The following SMYD3 variants were observed in gnomAD, a reference collection of about 807,000 sequenced individuals.
SMYD3 encodes SET and MYND domain containing 3, also known as histone-lysine N-methyltransferase SMYD3.
SMYD3 carries 36 observed loss-of-function variants against 57.7 expected under a neutral mutation model. The observed-to-expected ratio is 0.62, with a 90% CI of 0.48 to 0.82. SMYD3 has a LOEUF of 0.82. SMYD3 is among the 40% of genes least tolerant of loss of function. The pLI, the probability that SMYD3 is intolerant of heterozygous loss-of-function variation, is 0.00. For synonymous variants in SMYD3, 211 were observed against 195.0 expected (o/e 1.08, Z -0.68); for missense variants, 515 against 538.8 (o/e 0.96, Z 0.44).
chr1:246,131,590 G>A (rs958115235), intron 5 of SMYD3, among the ~76,000 whole-genome samples: 2 of 152,114 alleles, frequency 1.3e-5, no homozygotes, highest in Non-Finnish European at 2.9e-5. Context: ...CACTGTGCGG[G>A]GCACATTGAG....
intron 5 of SMYD3, among the ~76,000 whole-genome samples, chr1:246,233,720 A>G (rs1365434595): frequency 7.3e-6 from 1 of 136,120 alleles, no homozygotes; most frequent in Non-Finnish European, 1.6e-5. Context: ...TACCACACAG[A>G]GGAGAAGCAC....
At chr1:245,814,278 A>G (rs1042458287) in intron 10 of SMYD3, 3 of 692,122 alleles carry the variant, frequency 4.3e-6, no homozygotes, top group Non-Finnish European at 5.3e-6. Context: ...ATTTCAGTGT[A>G]TAGCTACCTC....
At chr1:246,110,838 A>G (rs2061223454) in intron 5 of SMYD3, among the ~76,000 whole-genome samples, 1 of 152,216 alleles carries the variant, frequency 6.6e-6, no homozygotes, top group Non-Finnish European at 1.5e-5. Context: ...CAGTGCAGCC[A>G]TGTTCCTTAC....
At chr1:246,138,911 A>C (rs372161737) in intron 5 of SMYD3, among the ~76,000 whole-genome samples, 1 of 152,170 alleles carries the variant, frequency 6.6e-6, no homozygotes, top group South Asian at 2.1e-4. Context: ...GCTGCAGGAC[A>C]GTTAAGACAA....
chr1:246,255,761 T>C (rs1163320704), intron 5 of SMYD3, among the ~76,000 whole-genome samples: 2 of 127,344 alleles, frequency 1.6e-5, no homozygotes, highest in Admixed American at 1.8e-4. Flanking sequence ...GCGAATCCAT[T>C]TGTCTGGGGC....
chr1:246,032,132 A>C (rs1338068300), intron 5 of SMYD3, among the ~76,000 whole-genome samples: 2 of 152,236 alleles, frequency 1.3e-5, no homozygotes, highest in South Asian at 2.1e-4. Context: ...TACAAGGAAC[A>C]TTACTCCACT....
intron 5 of SMYD3, among the ~76,000 whole-genome samples, chr1:246,172,486 T>C (rs10802342): frequency 0.82 from 94,688 of 115,916 alleles, 38,989 homozygotes; most frequent in Admixed American, 0.88. Flanking sequence ...CCACACTGTA[T>C]GCTTAGGCTA....
chr1:245,914,266 C>T (rs1480942474), intron 8 of SMYD3, among the ~76,000 whole-genome samples: 1 of 152,186 alleles, frequency 6.6e-6, no homozygotes, highest in African/African-American at 2.4e-5. Context: ...AATTACAGTA[C>T]TGGGTATTTA....
intron 5 of SMYD3, among the ~76,000 whole-genome samples, chr1:246,285,043 C>A: frequency 6.6e-6 from 1 of 150,904 alleles, no homozygotes; most frequent in Admixed American, 6.6e-5. Context: ...CGGTGATTTG[C>A]GAGATTTTGA....
At chr1:245,962,309 TC>T (rs1185389223) in intron 5 of SMYD3, among the ~76,000 whole-genome samples, 1 of 152,194 alleles carries the variant, frequency 6.6e-6, no homozygotes, top group Non-Finnish European at 1.5e-5. Flanking sequence ...AGGTTCCTCA[TC>T]TTATTTTACA....
intron 10 of SMYD3, among the ~76,000 whole-genome samples, chr1:245,856,227 C>A (rs568308771): frequency 1.3e-5 from 2 of 152,188 alleles, no homozygotes; most frequent in African/African-American, 4.8e-5. Flanking sequence ...TCTAACCTGC[C>A]CATTTCTCTC....
intron 2 of SMYD3, among the ~76,000 whole-genome samples, chr1:246,339,282 G>T (rs1293949732): frequency 6.6e-6 from 1 of 152,094 alleles, no homozygotes; most frequent in African/African-American, 2.4e-5. Context: ...GTGCAAATAT[G>T]TGACTAATGA....
At chr1:246,365,551 C>T (rs928376798) in intron 1 of SMYD3, among the ~76,000 whole-genome samples, 1 of 148,602 alleles carries the variant, frequency 6.7e-6, no homozygotes, top group Non-Finnish European at 1.5e-5. Flanking sequence ...AAGATTCAGT[C>T]GGGTTAAAAA....
chr1:245,774,651 CCT>C (rs2046469900), intron 10 of SMYD3, among the ~76,000 whole-genome samples: 1 of 126,824 alleles, frequency 7.9e-6, no homozygotes, highest in Non-Finnish European at 1.7e-5. Flanking sequence ...TCTCCCTCTC[CCT>C]CTCTTTCCAC....
intron 5 of SMYD3, among the ~76,000 whole-genome samples, chr1:246,054,337 G>A (rs919133442): frequency 2.0e-5 from 3 of 152,138 alleles, no homozygotes; most frequent in Admixed American, 6.5e-5. Flanking sequence ...GAAAAGTCAC[G>A]ACTACTTCAG....
At chr1:245,768,106 A>T (rs1161747064) in intron 10 of SMYD3, among the ~76,000 whole-genome samples, 3 of 152,228 alleles carry the variant, frequency 2.0e-5, no homozygotes, top group African/African-American at 7.2e-5. Context: ...CAAGCAAACT[A>T]CATAACAACA....
intron 1 of SMYD3, among the ~76,000 whole-genome samples, chr1:246,362,449 C>T (rs1348187979): frequency 5.2e-4 from 9 of 17,406 alleles, no homozygotes; most frequent in Admixed American, 9.4e-4. Flanking sequence ...CGGTCTCCCT[C>T]TCCCTCTCCC....
At position 245,883,947 on chromosome 1, in the gene SMYD3, A is replaced by AT. The variant is rs1186568780; in HGVS notation, c.814-20062dup. On this transcript the variant is annotated intron_variant, in intron 8 of 11. Transcript: ENST00000490107. ...TTGTCCAATTTTATAAAGTTTCATG[A>AT]TTTTTTTTCCTTTAGCGGTAGGATG... Among the ~76,000 whole-genome samples, 11 of 152,054 alleles carry AT rather than the reference A, an allele frequency of 7.2e-5. 1 individual carries two copies. The South Asian group carries it at 1.0e-3, about 14-fold the overall frequency.
chr1:246,007,326 A>G (rs956280666), intron 5 of SMYD3, among the ~76,000 whole-genome samples: 2 of 152,164 alleles, frequency 1.3e-5, no homozygotes, highest in Non-Finnish European at 1.5e-5. Context: ...TTCTCTTCCC[A>G]GAAGGGAAAG....
Sources: allele counts gnomAD v4.1 joint callset (sites outside exome capture counted in the v4.1 genomes callset), GRCh38; gene constraint gnomAD v4.1.1; transcripts MANE v1.5; gene names NCBI Gene and HGNC (gene_info 2026-07-23, HGNC 2026-07-21).